The following ASXL3 variants were observed in gnomAD, a reference collection of about 807,000 sequenced individuals.
The protein encoded by ASXL3 is ASXL transcriptional regulator 3, also known as putative Polycomb group protein ASXL3.
In ASXL3, 34 loss-of-function variants were observed where a neutral mutation model predicts 170.6. That is an observed-to-expected ratio of 0.20 (90% confidence interval 0.15 to 0.27). The LOEUF is 0.27. ASXL3 is among the 10% of genes least tolerant of loss of function. ASXL3 has a pLI of 1.00. For synonymous variants in ASXL3, 1,002 were observed against 989.1 expected (o/e 1.01, Z -0.24); for missense variants, 2,592 against 2,695.3 (o/e 0.96, Z 0.85).
At chr18:33,659,418 T>A (rs2066136562) in intron 4 of ASXL3, among the ~76,000 whole-genome samples, 1 of 152,076 alleles carries the variant, frequency 6.6e-6, no homozygotes. Context: ...TAGATGTAAA[T>A]GCCATTGTAA....
intron 2 of ASXL3, among the ~76,000 whole-genome samples, chr18:33,617,930 TC>T (rs1291757348): frequency 6.6e-6 from 1 of 152,146 alleles, no homozygotes; most frequent in Non-Finnish European, 1.5e-5. Context: ...TAATTTTTTT[TC>T]TAAGTGGAGC....
chr18:33,738,004 T>G (rs191408529), intron 10 of ASXL3, among the ~76,000 whole-genome samples: 1 of 152,174 alleles, frequency 6.6e-6, no homozygotes, highest in African/African-American at 2.4e-5. Context: ...TTGTATGTAA[T>G]TTTCTTATTC....
intron 5 of ASXL3, among the ~76,000 whole-genome samples, chr18:33,667,845 C>A (rs1405387879): frequency 6.6e-6 from 1 of 152,180 alleles, no homozygotes; most frequent in South Asian, 2.1e-4. Flanking sequence ...TCCCTATTCA[C>A]CATTATAAAT....
chr18:33,725,089 AC>A (rs554348450), intron 8 of ASXL3, among the ~76,000 whole-genome samples: 151 of 152,086 alleles, frequency 9.9e-4, no homozygotes, highest in Non-Finnish European at 1.4e-3. Context: ...TTTTATTCGT[AC>A]TGGGATGTAG....
chr18:33,679,373 C>A (rs549098347), intron 7 of ASXL3, among the ~76,000 whole-genome samples: 32 of 151,976 alleles, frequency 2.1e-4, no homozygotes, highest in Non-Finnish European at 4.1e-4. Flanking sequence ...TACCCAACAT[C>A]TCAACTCAAC....
At chr18:33,737,022 T>C (rs908699265) in intron 10 of ASXL3, among the ~76,000 whole-genome samples, 1 of 152,162 alleles carries the variant, frequency 6.6e-6, no homozygotes, top group African/African-American at 2.4e-5. Flanking sequence ...CTGCTTGACC[T>C]AGTCCCAAGG....
chr18:33,667,763 T>C (rs2066281685), intron 5 of ASXL3, among the ~76,000 whole-genome samples: 1 of 152,190 alleles, frequency 6.6e-6, no homozygotes, highest in South Asian at 2.1e-4. Context: ...TATATGTGAG[T>C]GAAACACTTA....
chr18:33,708,941 A>G (rs2067007993), intron 8 of ASXL3, among the ~76,000 whole-genome samples: 1 of 152,186 alleles, frequency 6.6e-6, no homozygotes. Context: ...ACAGTCACTC[A>G]TTAATGCTAA....
intron 8 of ASXL3, among the ~76,000 whole-genome samples, chr18:33,690,985 C>G (rs370528471): frequency 6.6e-6 from 1 of 152,204 alleles, no homozygotes; most frequent in African/African-American, 2.4e-5. Context: ...CTCTGTGATT[C>G]CCTCCTGGAC....
rs1160759497 is a variant in ASXL3, at chr18:33,691,932, A to G, written c.879+8364A>G. On this transcript the variant is annotated intron_variant, in intron 8 of 11. Coordinates refer to ENST00000269197, the MANE Select transcript of ASXL3 (RefSeq NM_030632.3). ...TCAGCAATTCTTACCATAATGCTCT[A>G]AACGGTATTATCAACCCCACTTTCT... Among the ~76,000 whole-genome samples, 6 of 152,312 alleles carry G rather than the reference A, an allele frequency of 3.9e-5. No homozygotes were observed. The East Asian group carries it at 1.2e-3, about 29-fold the overall frequency.
chr18:33,726,424 T>G (rs1406329600), intron 8 of ASXL3, among the ~76,000 whole-genome samples: 1 of 152,132 alleles, frequency 6.6e-6, no homozygotes, highest in Non-Finnish European at 1.5e-5. Flanking sequence ...CACTAGCCAC[T>G]TGAGGCTTTT....
At chr18:33,727,959 T>C (rs905515876) in intron 8 of ASXL3, among the ~76,000 whole-genome samples, 2 of 152,170 alleles carry the variant, frequency 1.3e-5, no homozygotes, top group Non-Finnish European at 2.9e-5. Flanking sequence ...TTCATATTCT[T>C]GAATGTGTTT....
rs1224293394 is a variant in ASXL3, at chr18:33,738,699, A to T, written c.1295A>T (p.Asp432Val). 1 of 1,613,994 alleles carries T rather than the reference A, an allele frequency of 6.2e-7. No homozygotes were observed. The highest frequency in any genetic ancestry group is 2.2e-5 in the East Asian group (1 of 44,860). The part of the protein sequence containing the change: ...LCPMVEIPPK[D>V]IMAELESEDI... ...CCTATGGTAGAAATTCCACCTAAAG[A>T]TATAATGGCAGAATTGGAGTCAGAG... Residue 432 changes from aspartate to valine, a missense_variant, in exon 11 of 12, where the codon GAT becomes GTT. Coordinates refer to ENST00000269197, the MANE Select transcript of ASXL3 (RefSeq NM_030632.3).
chr18:33,712,160 A>AATGTTAACATAAACTT (rs2067077079), intron 8 of ASXL3, among the ~76,000 whole-genome samples: 2 of 152,182 alleles, frequency 1.3e-5, no homozygotes, highest in Non-Finnish European at 2.9e-5. Context: ...TGTTTATAGT[A>AATGTTAACATAAACTT]GTTAATCATA....
At chr18:33,682,135 A>G (rs1055276621) in intron 7 of ASXL3, among the ~76,000 whole-genome samples, 3 of 152,348 alleles carry the variant, frequency 2.0e-5, no homozygotes, top group African/African-American at 7.2e-5. Context: ...TAGGCTTTAC[A>G]GGCCAGGTGA....
Position 33,738,944 on chromosome 18 carries a change from C to T in ASXL3, c.1540C>T (p.His514Tyr), listed in dbSNP as rs918893045. 8 of 1,613,562 alleles carry T rather than the reference C, an allele frequency of 5.0e-6. No homozygotes were observed. In the East Asian group the frequency reaches 1.3e-4, roughly 27 times the overall value. Residue 514 changes from histidine (H) to tyrosine (Y), a missense_variant, in exon 11 of 12, where the codon CAT (histidine) becomes TAT (tyrosine). Physicochemically the swap from His to Tyr is moderately conservative, Grantham distance 83. Around this residue, in one of 4 missense-constraint regions of ASXL3, gnomAD observed 2,246 missense variants for 2,219.6 expected, o/e 1.01. Coordinates refer to ENST00000269197, the MANE Select transcript of ASXL3 (RefSeq NM_030632.3). ...MMNDVLETLPHIEVKIEGKSE... is the reference protein window; with the variant it reads ...MMNDVLETLPYIEVKIEGKSE... ...GAATGATGTTTTAGAAACTTTGCCT[C>T]ATATTGAAGTTAAGATAGAAGGGAA...
At chr18:33,717,823 G>T (rs1323170040) in intron 8 of ASXL3, among the ~76,000 whole-genome samples, 1 of 151,880 alleles carries the variant, frequency 6.6e-6, no homozygotes, top group African/African-American at 2.4e-5. Context: ...CAAATTAAAT[G>T]GAAGGAATTT....
chr18:33,587,306 TTTATG>T (rs1245601367), intron 1 of ASXL3, among the ~76,000 whole-genome samples: 1 of 152,188 alleles, frequency 6.6e-6, no homozygotes, highest in East Asian at 1.9e-4. Context: ...CAGCCTTAGA[TTTATG>T]TTATTTTCTT....
chr18:33,614,661 A>G (rs1429253973), intron 2 of ASXL3: 3 of 152,176 alleles, frequency 2.0e-5, no homozygotes, highest in Admixed American at 6.6e-5. Context: ...TATGTCTTAA[A>G]TAAGAAGACT....
Sources: gnomAD v4.1 joint callset for allele counts (sites outside exome capture counted in the v4.1 genomes callset) on GRCh38, gnomAD v4.1.1 for gene constraint, gnomAD v4.1.1 regional missense constraint, MANE v1.5 for transcripts, NCBI Gene and HGNC (gene_info 2026-07-23, HGNC 2026-07-21) for gene names.